KLHL42: variants seen among roughly 807,000 people sequenced by gnomAD.
KLHL42 encodes kelch like family member 42.
Under a neutral mutation model 32.7 loss-of-function variants are expected in KLHL42, and 27 were observed. The ratio of observed to expected loss-of-function variants is 0.83; its 90% confidence interval spans 0.61 to 1.14. KLHL42 has a LOEUF of 1.14. Ranked by LOEUF, KLHL42 falls within the 50% of genes most tolerant of loss-of-function variation. KLHL42 has a pLI of 0.00. For synonymous variants in KLHL42, 267 were observed against 248.2 expected, an observed-to-expected ratio of 1.08 and a Z score of -0.71; for missense variants, 491 against 560.8, an observed-to-expected ratio of 0.88 and a Z score of 1.26.
At chr12:27,792,668 C>CA (rs1202028423) in intron 2 of KLHL42, among the ~76,000 whole-genome samples, 2 of 152,012 alleles carry the variant, frequency 1.3e-5, no homozygotes, top group Non-Finnish European at 2.9e-5. Flanking sequence ...GGATTACAGG[C>CA]TGCACCACCA....
chr12:27,788,405 C>A (rs1350258219), intron 1 of KLHL42, among the ~76,000 whole-genome samples: 2 of 152,210 alleles, frequency 1.3e-5, no homozygotes, highest in South Asian at 4.1e-4. Context: ...TAATTACCTT[C>A]CACATAATCA....
intron 1 of KLHL42, among the ~76,000 whole-genome samples, chr12:27,790,205 A>G (rs2062190308): frequency 6.6e-6 from 1 of 152,210 alleles, no homozygotes; most frequent in Non-Finnish European, 1.5e-5. Context: ...CCTTTATTTC[A>G]AACACTAGAA....
intron 2 of KLHL42, among the ~76,000 whole-genome samples, chr12:27,792,958 C>T (rs1045221392): frequency 6.6e-6 from 1 of 152,148 alleles, no homozygotes; most frequent in Non-Finnish European, 1.5e-5. Flanking sequence ...CCTGTGTTGC[C>T]TAGGCTGGTC....
chr12:27,784,658 T>A (rs1248922028), intron 1 of KLHL42, among the ~76,000 whole-genome samples: 1 of 152,046 alleles, frequency 6.6e-6, no homozygotes. Flanking sequence ...ATAAATAGAT[T>A]TTGGTTGCTC....
At chr12:27,785,951 TGA>T (rs1441993367) in intron 1 of KLHL42, among the ~76,000 whole-genome samples, 1 of 152,260 alleles carries the variant, frequency 6.6e-6, no homozygotes, top group East Asian at 1.9e-4. Context: ...TGAGAAATAA[TGA>T]GAGACATCAT....
intron 1 of KLHL42, among the ~76,000 whole-genome samples, chr12:27,783,622 C>T (rs2062157984): frequency 6.6e-6 from 1 of 152,098 alleles, no homozygotes; most frequent in African/African-American, 2.4e-5. Flanking sequence ...CGCTCTGTCG[C>T]CCAGGCTGGA....
chr12:27,791,669 G>A (rs766328674), intron 1 of KLHL42, 39 bp from the exon 2 acceptor site: 1 of 1,530,990 alleles, frequency 6.5e-7, no homozygotes, highest in Non-Finnish European at 9.0e-7. Context: ...TCATTGATCA[G>A]AAGAACTAAC....
intron 1 of KLHL42, among the ~76,000 whole-genome samples, chr12:27,782,041 G>A (rs2062151704): frequency 2.0e-5 from 3 of 152,216 alleles, no homozygotes; most frequent in South Asian, 2.1e-4. Flanking sequence ...AGGCCTCAGC[G>A]TCATTCAGAA....
At chr12:27,792,152 T>C (rs2062200235) in intron 2 of KLHL42, 1 of 278,338 alleles carries the variant, frequency 3.6e-6, no homozygotes, top group Non-Finnish European at 6.7e-6. Context: ...AAAAATGTTA[T>C]CTCTTTTTTT....
At chr12:27,795,636 A>AAAAAG (rs3841546) in intron 2 of KLHL42, among the ~76,000 whole-genome samples, 133,856 of 151,932 alleles carry the variant, frequency 0.88, 59,481 homozygotes, top group Non-Finnish European at 0.92. Context: ...GAAAAAAAGA[A>AAAAAG]AAAGTTAGTT....
rs1291986261 is a variant in KLHL42, at chr12:27,802,119, T to G, written c.*3953T>G. ...TCTTTTAAATTTGAACATCACATCT[T>G]GTGTTTTAGTTTTTTGCTCTATGAT... is the stretch of plus-strand genomic sequence containing the variant. On this transcript the variant is annotated 3_prime_UTR_variant, in exon 3 of 3. Coordinates refer to ENST00000381271, the MANE Select transcript of KLHL42 (RefSeq NM_020782.2). 6.7e-6 allele frequency: 1 copy of G among 149,384 alleles called. No homozygotes were observed. The highest frequency in any genetic ancestry group is 2.4e-5 in the African/African-American group (1 of 41,372). 9.3% of individuals were successfully genotyped at this position (149,384 alleles called of 1,614,324 possible). A position where few individuals can be genotyped will look rare whatever the true frequency, so the allele number is the denominator to read the frequency against.
Position 27,802,428 on chromosome 12 carries a change from GA to G in KLHL42, c.*4263del. On this transcript the variant is annotated 3_prime_UTR_variant, in exon 3 of 3. Coordinates refer to ENST00000381271, the MANE Select transcript of KLHL42 (RefSeq NM_020782.2). ...CACTAGTACTGATGAAAAGGTGGTT[GA>G]TTTTGCCTTGTGATAATTATCAAAG... is the stretch of plus-strand genomic sequence containing the variant. The G allele has an allele frequency of 1.3e-5, 2 of 152,544 alleles. No individual in the cohort carries two copies. The highest frequency in any genetic ancestry group is 4.8e-5 in the African/African-American group (2 of 41,554). 9.4% of individuals were successfully genotyped at this position (152,544 alleles called of 1,614,324 possible).
Position 27,791,803 on chromosome 12 carries a change from C to G in KLHL42, c.968C>G (p.Ala323Gly). 1 of 1,614,116 alleles carries G rather than the reference C, an allele frequency of 6.2e-7. No individual in the cohort carries two copies. ...GAGTGTTACAACCCCGAGCAGGATG[C>G]GTGGAATTTTGTGGCGCCCTTACCC... ...NVECYNPEQDAWNFVAPLPNP... is the reference protein window; with the variant it reads ...NVECYNPEQDGWNFVAPLPNP... Residue 323 changes from alanine (A) to glycine (G), a missense_variant, in exon 2 of 3, where the codon GCG becomes GGG. Ala to Gly is a moderately conservative substitution (Grantham distance 60, BLOSUM62 0). This residue lies in a region of KLHL42 where 248 missense variants were observed against 329.2 expected (regional missense o/e 0.75). Coordinates refer to ENST00000381271, the MANE Select transcript of KLHL42 (RefSeq NM_020782.2).
rs1352960094 is a variant in KLHL42 at position 27,780,510 on chromosome 12, G to C, written c.180G>C (p.Pro60=). ...AGCAGCTGCGCGGCCTCAGCGCGCC[G>C]GGCCTGCGGCTGGTGCTGGACTTCA... ...EVQQLRGLSA[P]GLRLVLDFIN... Residue 60 remains proline, a synonymous_variant, in exon 1 of 3, where the codon CCG becomes CCC. Coordinates refer to ENST00000381271, the MANE Select transcript of KLHL42 (RefSeq NM_020782.2). The surrounding 1 kb of genome is among the most constrained non-coding windows in gnomAD (Gnocchi z 8.8). 9 of 1,540,674 alleles carry C rather than the reference G, an allele frequency of 5.8e-6. No homozygotes were observed. The highest frequency in any genetic ancestry group is 7.9e-6 in the Non-Finnish European group (9 of 1,146,176).
chr12:27,798,373 T>C lies in KLHL42; in HGVS notation c.*207T>C, dbSNP rs1027249183. 1.3e-5 allele frequency: 7 copies of C among 525,622 alleles called. No homozygotes were observed. The highest frequency in any genetic ancestry group is 2.6e-5 in the South Asian group (1 of 38,106). The allele number at this position is 525,622 out of a possible 1,614,324, so 32.6% of individuals were successfully genotyped here. A position where few individuals can be genotyped will look rare whatever the true frequency, so the allele number is the denominator to read the frequency against. ...ACCAACTTTGTTATTTTTTAAATTA[T>C]TGATTTTTAAATTATGGGAGCAAAT... is the stretch of plus-strand genomic sequence containing the variant. On this transcript the variant is annotated 3_prime_UTR_variant, in exon 3 of 3. Transcript: ENST00000381271.
chr12:27,786,383 C>T (rs925429864), intron 1 of KLHL42, among the ~76,000 whole-genome samples: 9 of 152,140 alleles, frequency 5.9e-5, no homozygotes, highest in East Asian at 1.9e-4. Flanking sequence ...AAACTGATGA[C>T]GTAATTGCTG....
chr12:27,787,129 G>A (rs192790326), intron 1 of KLHL42, among the ~76,000 whole-genome samples: 2 of 152,134 alleles, frequency 1.3e-5, no homozygotes, highest in Non-Finnish European at 2.9e-5. Flanking sequence ...GGCCAAGTGT[G>A]CAACACTGCC....
In KLHL42 at chr12:27,798,353, C is replaced by A; in HGVS notation, c.*187C>A. On this transcript the variant is annotated 3_prime_UTR_variant, in exon 3 of 3. Coordinates refer to ENST00000381271, the MANE Select transcript of KLHL42 (RefSeq NM_020782.2). ...AAAACTGGTGGAAAAAAGAGACCAA[C>A]TTTGTTATTTTTTAAATTATTGATT... The A allele has an allele frequency of 1.8e-6, 1 of 541,344 alleles. No individual in the cohort carries two copies. The highest frequency in any genetic ancestry group is 3.0e-5 in the East Asian group (1 of 33,080). The allele number at this position is 541,344 out of a possible 1,614,324, so 33.5% of individuals were successfully genotyped here.
chr12:27,793,036 C>T (rs751187291), intron 2 of KLHL42, among the ~76,000 whole-genome samples: 5 of 152,184 alleles, frequency 3.3e-5, no homozygotes, highest in Non-Finnish European at 7.3e-5. Context: ...AGGCATAAGT[C>T]ACCATGCCCT....
Sources: allele counts gnomAD v4.1 joint callset (sites outside exome capture counted in the v4.1 genomes callset), GRCh38; gene constraint gnomAD v4.1.1; regional missense constraint gnomAD v4.1.1; non-coding constraint Gnocchi (gnomAD v3.1); transcripts MANE v1.5; gene names NCBI Gene and HGNC (gene_info 2026-07-23, HGNC 2026-07-21).